TRAM2: variants seen among roughly 807,000 people sequenced by gnomAD.
The protein encoded by TRAM2 is translocation associated membrane protein 2, also known as translocating chain-associated membrane protein 2.
A neutral mutation model predicts 51.0 loss-of-function variants in TRAM2; 12 were observed. That is an observed-to-expected ratio of 0.24 (90% confidence interval 0.15 to 0.38). The LOEUF is 0.38. TRAM2 is among the 10% of genes least tolerant of loss of function. TRAM2 has a pLI of 1.00. For missense variants in TRAM2, 361 were observed against 462.0 expected, an observed-to-expected ratio of 0.78 and a Z score of 2.00; for synonymous variants, 175 against 179.4, an observed-to-expected ratio of 0.98 and a Z score of 0.20.
intron 1 of TRAM2, among the ~76,000 whole-genome samples, chr6:52,576,018 G>A (rs779119433): frequency 6.6e-6 from 1 of 152,134 alleles, no homozygotes; most frequent in Admixed American, 6.5e-5. Context: ...GCTGTTGGGG[G>A]TGGGATCCCC....
chr6:52,571,417 C>T (rs749851205), intron 1 of TRAM2, among the ~76,000 whole-genome samples: 2 of 152,210 alleles, frequency 1.3e-5, no homozygotes, highest in Non-Finnish European at 2.9e-5. Flanking sequence ...GGGACTAAGG[C>T]ACTCTGTTGT....
intron 1 of TRAM2, among the ~76,000 whole-genome samples, chr6:52,551,550 G>A (rs1231968571): frequency 6.6e-6 from 1 of 152,206 alleles, no homozygotes; most frequent in Non-Finnish European, 1.5e-5. Context: ...CTTATCTCCA[G>A]GAGTCTTTCT....
intron 1 of TRAM2, among the ~76,000 whole-genome samples, chr6:52,551,807 AAT>A (rs1315723479): frequency 2.0e-5 from 3 of 152,280 alleles, no homozygotes; most frequent in Admixed American, 2.0e-4. Context: ...GAAGTGGAAA[AAT>A]AGGAAGGGAA....
chr6:52,515,225 G>T (rs889568359), intron 4 of TRAM2, among the ~76,000 whole-genome samples: 8 of 152,294 alleles, frequency 5.3e-5, no homozygotes, highest in African/African-American at 1.7e-4. Flanking sequence ...TTTCTCAGGG[G>T]GCCAGGTTAC....
chr6:52,546,041 C>G (rs1204625800), intron 1 of TRAM2, among the ~76,000 whole-genome samples: 1 of 152,120 alleles, frequency 6.6e-6, no homozygotes, highest in East Asian at 1.9e-4. Flanking sequence ...ACAGGCGGTT[C>G]AGGATGGAGA....
intron 1 of TRAM2, among the ~76,000 whole-genome samples, chr6:52,573,530 C>A (rs933665878): frequency 6.6e-6 from 1 of 152,160 alleles, no homozygotes; most frequent in African/African-American, 2.4e-5. Context: ...GCCTGTAGGA[C>A]TGGGAGAAAA....
At chr6:52,567,668 C>G (rs906652138) in intron 1 of TRAM2, among the ~76,000 whole-genome samples, 1 of 152,206 alleles carries the variant, frequency 6.6e-6, no homozygotes, top group African/African-American at 2.4e-5. Flanking sequence ...TCCATATTGC[C>G]ACAGATTTAG....
intron 7 of TRAM2, 68 bp downstream of exon 7, chr6:52,507,485 G>T: frequency 6.7e-7 from 1 of 1,485,622 alleles, no homozygotes; most frequent in Non-Finnish European, 9.4e-7. Context: ...ATAATTATAT[G>T]AGTGTGTGGA....
intron 4 of TRAM2, among the ~76,000 whole-genome samples, chr6:52,511,777 A>G (rs1017014322): frequency 6.6e-5 from 10 of 150,928 alleles, no homozygotes; most frequent in African/African-American, 2.5e-4. Flanking sequence ...CCTGACTGAT[A>G]AGTCCTTTTA....
Position 52,505,587 on chromosome 6 carries a change from T to C in TRAM2, c.875+12A>G. On this transcript the variant is annotated intron_variant, in intron 9 of 10. Coordinates refer to ENST00000182527, the MANE Select transcript of TRAM2 (RefSeq NM_012288.4). Reference sequence around the variant, plus strand: ...TCCCTGGCTTATCACCTTGGACTTCTGCTCGACTCACCTGCAAAACAAAGT... The same window carrying C: ...TCCCTGGCTTATCACCTTGGACTTCCGCTCGACTCACCTGCAAAACAAAGT... The C allele has an allele frequency of 5.0e-6, 8 of 1,602,006 alleles. No homozygotes were observed. The highest frequency in any genetic ancestry group is 6.8e-6 in the Non-Finnish European group (8 of 1,172,292).
chr6:52,575,310 C>T (rs931412580), intron 1 of TRAM2, among the ~76,000 whole-genome samples: 6 of 152,140 alleles, frequency 3.9e-5, no homozygotes, highest in African/African-American at 1.2e-4. Context: ...CTGAGACACA[C>T]GGATATGACT....
intron 2 of TRAM2, among the ~76,000 whole-genome samples, chr6:52,530,091 A>C (rs935893342): frequency 6.6e-6 from 1 of 152,250 alleles, no homozygotes; most frequent in African/African-American, 2.4e-5. Flanking sequence ...TATCTCATAC[A>C]TAATTTGGGA....
rs1376607238 is a variant in TRAM2 at position 52,535,765 on chromosome 6, G to C, written c.184+18C>G. 6.2e-7 allele frequency: 1 copy of C among 1,606,836 alleles called. No homozygotes were observed. Among genetic ancestry groups the C allele is most frequent in the Non-Finnish European group, 8.5e-7 (1 of 1,174,020 alleles). On this transcript the variant is annotated intron_variant, in intron 2 of 10. Transcript: ENST00000182527. Reference sequence around the variant, plus strand: ...GGGTTAACAGGGCCAGGAGAAGATGGAGACCAGTGATTCTTACCTGCTGTA... The same window carrying C: ...GGGTTAACAGGGCCAGGAGAAGATGCAGACCAGTGATTCTTACCTGCTGTA...
intron 1 of TRAM2, among the ~76,000 whole-genome samples, chr6:52,550,905 C>T (rs1281618940): frequency 6.6e-6 from 1 of 152,202 alleles, no homozygotes; most frequent in East Asian, 1.9e-4. Flanking sequence ...TTATCCTCCA[C>T]ACACATCCTG....
chr6:52,559,750 A>G (rs943754656), intron 1 of TRAM2, among the ~76,000 whole-genome samples: 1 of 152,182 alleles, frequency 6.6e-6, no homozygotes, highest in African/African-American at 2.4e-5. Context: ...CTCTGGGCTT[A>G]CCCCATTTTT....
intron 1 of TRAM2, among the ~76,000 whole-genome samples, chr6:52,562,244 A>G (rs1261905889): frequency 6.6e-6 from 1 of 152,198 alleles, no homozygotes; most frequent in African/African-American, 2.4e-5. Flanking sequence ...CAGCGAGGTT[A>G]TGGAGTATGA....
chr6:52,566,531 T>A (rs1767593291), intron 1 of TRAM2, among the ~76,000 whole-genome samples: 1 of 152,060 alleles, frequency 6.6e-6, no homozygotes, highest in African/African-American at 2.4e-5. Flanking sequence ...AGCAACCTCA[T>A]CACACTGCTG....
chr6:52,533,187 C>T (rs1396217198), intron 2 of TRAM2, among the ~76,000 whole-genome samples: 1 of 152,096 alleles, frequency 6.6e-6, no homozygotes, highest in Non-Finnish European at 1.5e-5. Flanking sequence ...GATGGTAGCA[C>T]AACAATGTGA....
intron 1 of TRAM2, among the ~76,000 whole-genome samples, chr6:52,547,137 G>A (rs1337404915): frequency 1.3e-5 from 2 of 152,216 alleles, no homozygotes; most frequent in Non-Finnish European, 2.9e-5. Flanking sequence ...AAGAGCTCGG[G>A]AGCTAGAGAG....
Sources: allele counts gnomAD v4.1 joint callset (sites outside exome capture counted in the v4.1 genomes callset), GRCh38; gene constraint gnomAD v4.1.1; transcripts MANE v1.5; gene names NCBI Gene and HGNC (gene_info 2026-07-23, HGNC 2026-07-21).